Variants in SLCO1A2 observed in about 807,000 individuals in gnomAD.
The protein encoded by SLCO1A2 is solute carrier organic anion transporter family member 1A2, also known as OATP-1.
Under a neutral mutation model 69.0 loss-of-function variants are expected in SLCO1A2, and 67 were observed. The ratio of observed to expected loss-of-function variants is 0.97; its 90% CI spans 0.80 to 1.19. The LOEUF (loss-of-function observed/expected upper bound fraction) is 1.19, where lower values mean the gene tolerates loss of function less well. Ranked by LOEUF, SLCO1A2 falls within the 50% of genes most tolerant of loss-of-function variation. SLCO1A2 has a pLI of 0.00. For synonymous variants in SLCO1A2, 260 were observed against 265.9 expected, an observed-to-expected ratio of 0.98 and a Z score of 0.22; for missense variants, 787 against 793.7, an observed-to-expected ratio of 0.99 and a Z score of 0.10.
At position 21,363,024 on chromosome 12, in the gene SLCO1A2, T is replaced by C. The variant is rs111915435; in HGVS notation, c.-63+11375A>G. Among the ~76,000 whole-genome samples, 5 of 152,280 alleles carry C rather than the reference T, an allele frequency of 3.3e-5. No individual in the cohort carries two copies. The South Asian group carries it at 8.3e-4, about 25-fold the overall frequency. On this transcript the variant is annotated intron_variant, in intron 2 of 15. Transcript: ENST00000307378. ...TAACAAGGATATCCAGGAATTAAAC[T>C]CAGCTCTGCACCAAGCGGACCTAAT...
chr12:21,411,193 T>C (rs938158834), intron 1 of SLCO1A2, among the ~76,000 whole-genome samples: 1 of 152,230 alleles, frequency 6.6e-6, no homozygotes, highest in Non-Finnish European at 1.5e-5. Context: ...GTTTAAGAAA[T>C]CTTACCCTGC....
intron 1 of SLCO1A2, among the ~76,000 whole-genome samples, chr12:21,377,332 G>T (rs1446094397): frequency 6.6e-6 from 1 of 152,042 alleles, no homozygotes; most frequent in Non-Finnish European, 1.5e-5. Context: ...TTCTTTTGGA[G>T]ACTTTATGAT....
Position 21,289,184 on chromosome 12 carries a change from CTGTG to C in SLCO1A2, c.1610+2976_1610+2979del, listed in dbSNP as rs10636619. Among the ~76,000 whole-genome samples, 836 of 136,966 alleles carry C rather than the reference CTGTG, an allele frequency of 6.1e-3. 4 individuals carry two copies. The highest frequency in any genetic ancestry group is 0.017 in the African/African-American group (637 of 36,964). The allele number at this position is 136,966 out of a possible 152,430, so 89.9% of individuals were successfully genotyped here. On this transcript the variant is annotated intron_variant, in intron 12 of 14. Coordinates refer to ENST00000683939, the MANE Select transcript of SLCO1A2 (RefSeq NM_001386879.1). ...CATTTGTGATGGTAATGGTACCATTCTGTGTGTGTGTGTGTGTGTGTGTGTGTGT... is the reference window on the plus strand; with the variant it reads ...CATTTGTGATGGTAATGGTACCATTCTGTGTGTGTGTGTGTGTGTGTGTGT...
At chr12:21,372,839 C>T (rs892356779) in intron 2 of SLCO1A2, 1 of 160,112 alleles carries the variant, frequency 6.2e-6, no homozygotes, top group South Asian at 1.8e-4. Context: ...CTCTGAGCTG[C>T]CTGATGTCAG....
intron 1 of SLCO1A2, chr12:21,379,990 C>G (rs749206018): frequency 1.3e-4 from 20 of 152,010 alleles, no homozygotes; most frequent in Non-Finnish European, 2.6e-4. Flanking sequence ...ATTTGTGATG[C>G]TCAATTGTTG....
At chr12:21,272,009 A>G (rs1311140320) in intron 14 of SLCO1A2, among the ~76,000 whole-genome samples, 1 of 151,362 alleles carries the variant, frequency 6.6e-6, no homozygotes, top group Non-Finnish European at 1.5e-5. Flanking sequence ...TATGTTTACT[A>G]TAATTTATTC....
At position 21,314,665 on chromosome 12, in the gene SLCO1A2, A is replaced by G; in HGVS notation, c.219T>C (p.Ile73=). 1 of 1,604,440 alleles carries G rather than the reference A, an allele frequency of 6.2e-7. No homozygotes were observed. Among genetic ancestry groups the G allele is most frequent in the South Asian group, 1.1e-5 (1 of 90,618 alleles). ...GSFEIGNLLL[I]IFVSYFGTKL... The stretch of plus-strand genomic sequence containing the variant: ...TGGTTCCAAAATAACTCACAAATAT[A>G]ATCAACAAAAGATTTCCTAGGAAAA... The change falls in exon 4 of 15, where the codon ATT becomes ATC. Residue 73 remains isoleucine, a synonymous_variant. Coordinates refer to ENST00000683939, the MANE Select transcript of SLCO1A2 (RefSeq NM_001386879.1).
intron 13 of SLCO1A2, 143 bp downstream of exon 13, chr12:21,275,217 G>A: frequency 2.4e-6 from 2 of 844,882 alleles, no homozygotes; most frequent in Non-Finnish European, 3.3e-6. Flanking sequence ...GAGTTAATGG[G>A]TGCAGCACAC....
chr12:21,291,081 G>A (rs191895767), intron 12 of SLCO1A2, among the ~76,000 whole-genome samples: 2 of 152,188 alleles, frequency 1.3e-5, no homozygotes, highest in East Asian at 3.9e-4. Context: ...AGTGTATCAG[G>A]ACATCACATA....
In SLCO1A2 at chr12:21,318,937, A is replaced by G. The variant is rs1389922628; in HGVS notation, c.61-14T>C. On this transcript the variant is annotated splice_polypyrimidine_tract_variant and intron_variant, in intron 2 of 14. Transcript: ENST00000683939. ...CAACAGAAACATCTAGGAAAAAAAT[A>G]TAAGAAAACGTAGAAAAAATTATTT... The G allele has an allele frequency of 1.9e-6, 3 of 1,568,366 alleles. No individual in the cohort carries two copies. Among genetic ancestry groups the G allele is most frequent in the Non-Finnish European group, 1.7e-6 (2 of 1,162,754 alleles).
intron 2 of SLCO1A2, among the ~76,000 whole-genome samples, chr12:21,368,757 C>T (rs1458944721): frequency 6.6e-6 from 1 of 151,698 alleles, no homozygotes; most frequent in Admixed American, 6.6e-5. Context: ...TTTGAAAGTT[C>T]CCAAAAGAAA....
At chr12:21,305,068 A>G (rs1462696600) in intron 5 of SLCO1A2, among the ~76,000 whole-genome samples, 1 of 152,250 alleles carries the variant, frequency 6.6e-6, no homozygotes, top group African/African-American at 2.4e-5. Context: ...TGAATTCTCT[A>G]CAGCTCTAAT....
intron 6 of SLCO1A2, among the ~76,000 whole-genome samples, chr12:21,303,115 C>A (rs965832957): frequency 3.9e-5 from 6 of 152,076 alleles, no homozygotes; most frequent in Admixed American, 3.3e-4. Flanking sequence ...CACATGAACA[C>A]ACACTATATA....
intron 2 of SLCO1A2, among the ~76,000 whole-genome samples, chr12:21,362,260 A>C (rs957119055): frequency 2.6e-5 from 4 of 152,192 alleles, no homozygotes; most frequent in African/African-American, 9.7e-5. Flanking sequence ...TTCTTAAAGA[A>C]AAGAATTTTC....
At chr12:21,302,584 T>G (rs1313406939) in intron 6 of SLCO1A2, among the ~76,000 whole-genome samples, 3 of 150,980 alleles carry the variant, frequency 2.0e-5, no homozygotes, top group Admixed American at 6.6e-5. Context: ...GGAGTTTCAC[T>G]CTTATTGCTC....
intron 2 of SLCO1A2, among the ~76,000 whole-genome samples, chr12:21,347,519 G>A (rs1953295735): frequency 6.6e-6 from 1 of 151,982 alleles, no homozygotes; most frequent in Non-Finnish European, 1.5e-5. Context: ...GGTGGCGCAC[G>A]TCTGTAATCC....
intron 12 of SLCO1A2, among the ~76,000 whole-genome samples, chr12:21,286,010 G>A (rs1945715105): frequency 1.3e-5 from 2 of 152,076 alleles, no homozygotes; most frequent in South Asian, 4.2e-4. Flanking sequence ...TCTGGCCAGG[G>A]CAATCAGGCA....
intron 12 of SLCO1A2, among the ~76,000 whole-genome samples, chr12:21,277,160 G>T (rs1438453464): frequency 3.3e-5 from 5 of 152,138 alleles, no homozygotes; most frequent in Non-Finnish European, 7.3e-5. Flanking sequence ...GGAGAGGGGA[G>T]AAATGAGTAA....
chr12:21,314,419 A>ATC (rs1173656718), intron 4 of SLCO1A2, 130 bp downstream of exon 4: 1 of 941,922 alleles, frequency 1.1e-6, no homozygotes, highest in Non-Finnish European at 1.6e-6. Context: ...ATGGAACAGA[A>ATC]TGTGCATCTT....
Sources: allele counts gnomAD v4.1 joint callset (sites outside exome capture counted in the v4.1 genomes callset), GRCh38; gene constraint gnomAD v4.1.1; transcripts MANE v1.5; gene names NCBI Gene and HGNC (gene_info 2026-07-23, HGNC 2026-07-21).